The following LRP1B variants were observed in gnomAD, a reference collection of about 807,000 sequenced individuals.
LRP1B encodes the protein low-density lipoprotein receptor-related protein 1B.
In LRP1B, 217 loss-of-function variants were observed where a neutral mutation model predicts 556.6. The ratio of observed to expected loss-of-function variants is 0.39; its 90% CI spans 0.35 to 0.44. The LOEUF (loss-of-function observed/expected upper bound fraction) is 0.44, where lower values mean the gene tolerates loss of function less well. LRP1B is among the 20% of genes least tolerant of loss of function. The pLI is 1.00. For synonymous variants in LRP1B, 2,047 were observed against 1,865.8 expected (o/e 1.10, Z -2.50); for missense variants, 5,053 against 5,620.8 (o/e 0.90, Z 3.23).
intron 9 of LRP1B, among the ~76,000 whole-genome samples, chr2:141,055,961 G>T (rs879054332): frequency 6.6e-6 from 1 of 150,496 alleles, no homozygotes; most frequent in Admixed American, 6.7e-5. Context: ...GATGAGAAAA[G>T]AAAGATGGAT....
chr2:140,459,278 T>G (rs1198708645), intron 60 of LRP1B, among the ~76,000 whole-genome samples: 1 of 152,192 alleles, frequency 6.6e-6, no homozygotes, highest in East Asian at 1.9e-4. Flanking sequence ...ATGTTAATAA[T>G]TAATTGAATC....
At chr2:140,630,585 T>G (rs530539258) in intron 41 of LRP1B, among the ~76,000 whole-genome samples, 4 of 152,314 alleles carry the variant, frequency 2.6e-5, no homozygotes, top group African/African-American at 9.6e-5. Flanking sequence ...AGAAACTCTT[T>G]CAACTTGCGG....
At chr2:141,425,947 G>C (rs1365285915) in intron 3 of LRP1B, among the ~76,000 whole-genome samples, 1 of 149,428 alleles carries the variant, frequency 6.7e-6, no homozygotes, top group Non-Finnish European at 1.5e-5. Context: ...TGTCAATTTT[G>C]GCTTTTGTTG....
intron 18 of LRP1B, among the ~76,000 whole-genome samples, chr2:140,972,663 A>T (rs909934576): frequency 7.9e-5 from 12 of 152,066 alleles, no homozygotes; most frequent in African/African-American, 2.6e-4. Context: ...CTTGAAAATT[A>T]TGGGGAGTGA....
chr2:142,115,527 ATATATATTACATATGT>A (rs1304862313), intron 1 of LRP1B, among the ~76,000 whole-genome samples: 1 of 54,942 alleles, frequency 1.8e-5, no homozygotes, highest in African/African-American at 5.9e-5. Flanking sequence ...CATATATAAT[ATATATATTACATATGT>A]AATATATATA....
At chr2:141,384,103 A>G (rs1689742639) in intron 3 of LRP1B, among the ~76,000 whole-genome samples, 2 of 152,184 alleles carry the variant, frequency 1.3e-5, no homozygotes, top group African/African-American at 4.8e-5. Context: ...TACCTTAAAT[A>G]TATACATTTT....
chr2:142,095,139 C>CTTT lies in LRP1B; in HGVS notation c.82+35506_82+35508dup, dbSNP rs35384210. 3.5e-3 allele frequency among the ~76,000 whole-genome samples: 514 copies of CTTT among 147,314 alleles called. 2 individuals are homozygous for CTTT. Among genetic ancestry groups the CTTT allele is most frequent in the African/African-American group, 0.011 (463 of 40,304 alleles). ...GGTGCGATATGCACATATAAAAAAG[C>CTTT]TTTTTTTTTTTTAAATCAGCAGATG... is the stretch of plus-strand genomic sequence containing the variant. On this transcript the variant is annotated intron_variant, in intron 1 of 90. Coordinates refer to ENST00000389484, the MANE Select transcript of LRP1B (RefSeq NM_018557.3).
chr2:141,597,270 A>G (rs1441695744), intron 2 of LRP1B, among the ~76,000 whole-genome samples: 1 of 151,738 alleles, frequency 6.6e-6, no homozygotes, highest in African/African-American at 2.4e-5. Flanking sequence ...CCCAATTCCA[A>G]CTTGCTTTAT....
intron 2 of LRP1B, among the ~76,000 whole-genome samples, chr2:141,557,729 A>G (rs1010072413): frequency 1.3e-5 from 2 of 151,870 alleles, no homozygotes; most frequent in East Asian, 3.9e-4. Flanking sequence ...GCAGAGGGCC[A>G]CCCTGCCTCT....
intron 6 of LRP1B, among the ~76,000 whole-genome samples, chr2:141,192,461 A>G (rs2105204046): frequency 6.6e-6 from 1 of 152,034 alleles, no homozygotes; most frequent in East Asian, 1.9e-4. Flanking sequence ...TTCATAGGAG[A>G]TGAATGAAAA....
At position 140,950,238 on chromosome 2, in the gene LRP1B, C is replaced by A; in HGVS notation, c.3133G>T (p.Glu1045Ter). 1 of 1,577,672 alleles carries A rather than the reference C, an allele frequency of 6.3e-7. No homozygotes were observed. ...SDEAQINCTK[E>*]EIHSPAGCNG... is the part of the protein sequence containing the mutation. ...ATTAATTTATAAAATTACTAACCTTCTTTAGTACAATTGATCTGGGCTTCA... is the reference window on the plus strand; with the variant it reads ...ATTAATTTATAAAATTACTAACCTTATTTAGTACAATTGATCTGGGCTTCA... The change falls in exon 20 of 91, where the codon GAA becomes TAA. Residue 1045 changes from glutamate (E) to a stop codon, truncating the protein, a stop_gained. Coordinates refer to ENST00000389484, the MANE Select transcript of LRP1B (RefSeq NM_018557.3). LOFTEE classifies it high-confidence loss of function.
At chr2:140,831,301 G>T (rs551297428) in intron 31 of LRP1B, among the ~76,000 whole-genome samples, 2 of 152,020 alleles carry the variant, frequency 1.3e-5, no homozygotes, top group Non-Finnish European at 2.9e-5. Context: ...AAACAAAACG[G>T]CATGGTGCGA....
chr2:141,026,669 G>A (rs1698225751), intron 11 of LRP1B, among the ~76,000 whole-genome samples: 1 of 151,996 alleles, frequency 6.6e-6, no homozygotes, highest in African/African-American at 2.4e-5. Context: ...GGTAAAGGAG[G>A]CCAAGTTCTT....
At chr2:141,590,736 GA>G (rs764944411) in intron 2 of LRP1B, among the ~76,000 whole-genome samples, 3 of 152,082 alleles carry the variant, frequency 2.0e-5, no homozygotes, top group Non-Finnish European at 4.4e-5. Context: ...TCAATCAGAG[GA>G]GGTATTTTAT....
chr2:141,459,580 G>A (rs1681777060), intron 3 of LRP1B, among the ~76,000 whole-genome samples: 1 of 152,020 alleles, frequency 6.6e-6, no homozygotes, highest in Non-Finnish European at 1.5e-5. Context: ...CGAGTGTTGT[G>A]GGAGGAACTC....
chr2:142,040,465 C>T (rs1704024813), intron 1 of LRP1B, among the ~76,000 whole-genome samples: 2 of 151,250 alleles, frequency 1.3e-5, no homozygotes, highest in African/African-American at 2.4e-5. Context: ...GTTCAATTTC[C>T]TCATCAGTTT....
At chr2:141,703,684 TAG>T (rs1692033747) in intron 2 of LRP1B, among the ~76,000 whole-genome samples, 1 of 152,002 alleles carries the variant, frequency 6.6e-6, no homozygotes, top group African/African-American at 2.4e-5. Context: ...CAATATCAAC[TAG>T]AGTCATTTAA....
At chr2:141,301,950 A>G (rs975143318) in intron 3 of LRP1B, among the ~76,000 whole-genome samples, 4 of 152,214 alleles carry the variant, frequency 2.6e-5, no homozygotes, top group Non-Finnish European at 5.9e-5. Context: ...TTAGTCCCTT[A>G]GCTTGTGCTA....
intron 3 of LRP1B, among the ~76,000 whole-genome samples, chr2:141,441,676 C>T (rs1040794826): frequency 1.3e-5 from 2 of 152,126 alleles, no homozygotes; most frequent in Non-Finnish European, 2.9e-5. Context: ...TATACAGGAG[C>T]TGATGCATAG....
Sources: allele counts gnomAD v4.1 joint callset (sites outside exome capture counted in the v4.1 genomes callset), GRCh38; gene constraint gnomAD v4.1.1; transcripts MANE v1.5; gene names NCBI Gene and HGNC (gene_info 2026-07-23, HGNC 2026-07-21).